The following HECW1 variants were observed in gnomAD, a reference collection of about 807,000 sequenced individuals.
The protein encoded by HECW1 is HECT, C2 and WW domain containing E3 ubiquitin protein ligase 1, also known as E3 ubiquitin-protein ligase HECW1.
HECW1 carries 61 observed loss-of-function variants against 182.3 expected under a neutral mutation model. The observed-to-expected ratio is 0.33, with a 90% CI of 0.27 to 0.41. HECW1 has a LOEUF of 0.41. HECW1 is among the 10% of genes least tolerant of loss of function. HECW1 has a pLI of 1.00. For missense variants in HECW1, 1,739 were observed against 2,108.9 expected (o/e 0.82, Z 3.44); for synonymous variants, 859 against 832.6 (o/e 1.03, Z -0.55).
chr7:43,488,852 C>G (rs1456505459), intron 17 of HECW1, among the ~76,000 whole-genome samples: 1 of 152,202 alleles, frequency 6.6e-6, no homozygotes, highest in South Asian at 2.1e-4. Flanking sequence ...AGCCGTATCT[C>G]CCCCTGTGTT....
chr7:43,488,492 A>AAGAAAGAAAGAAAGAAAGAAAG (rs1563046885), intron 17 of HECW1, among the ~76,000 whole-genome samples: 2 of 132,468 alleles, frequency 1.5e-5, no homozygotes, highest in African/African-American at 5.7e-5. Context: ...AAGAAAGAGA[A>AAGAAAGAAAGAAAGAAAGAAAG]AGAAAGAAAG....
intron 3 of HECW1, among the ~76,000 whole-genome samples, chr7:43,267,537 A>T (rs1371931508): frequency 6.6e-6 from 1 of 152,034 alleles, no homozygotes; most frequent in Non-Finnish European, 1.5e-5. Context: ...GTAAAAAAAA[A>T]TTAGAAAACC....
intron 3 of HECW1, among the ~76,000 whole-genome samples, chr7:43,268,409 A>C (rs1802020282): frequency 6.6e-6 from 1 of 152,206 alleles, no homozygotes; most frequent in Non-Finnish European, 1.5e-5. Flanking sequence ...TGAAACCTTT[A>C]ACCCAGAGGC....
chr7:43,235,621 A>T (rs1798257449), intron 2 of HECW1, among the ~76,000 whole-genome samples: 1 of 152,222 alleles, frequency 6.6e-6, no homozygotes, highest in African/African-American at 2.4e-5. Context: ...GTGCTCCTGG[A>T]TGGGATAACT....
chr7:43,540,997 G>A (rs956590789), intron 24 of HECW1, among the ~76,000 whole-genome samples, 166 bp from the exon 25 acceptor site: 3 of 152,144 alleles, frequency 2.0e-5, no homozygotes, highest in African/African-American at 7.2e-5. Flanking sequence ...GATTGTTCAT[G>A]GTAAAGCAAA....
chr7:43,550,611 G>T lies in HECW1; in HGVS notation c.4395+20G>T. The T allele has an allele frequency of 6.3e-7, 1 of 1,582,014 alleles. No individual in the cohort carries two copies. The highest frequency in any genetic ancestry group is 2.3e-5 in the East Asian group (1 of 43,212). ...TACGAGGTGAGGCCCGGTGGCCTGG[G>T]GAAGGCAAGCTGTGGCCAGGGTGCT... On this transcript the variant is annotated intron_variant, in intron 27 of 29. Transcript: ENST00000395891.
At chr7:43,360,516 A>T (rs1474023678) in intron 5 of HECW1, among the ~76,000 whole-genome samples, 2 of 152,206 alleles carry the variant, frequency 1.3e-5, no homozygotes, top group East Asian at 3.8e-4. Context: ...CCAAGATATT[A>T]ATCACAATGA....
chr7:43,328,939 C>G (rs938502088), intron 5 of HECW1, among the ~76,000 whole-genome samples: 2 of 152,168 alleles, frequency 1.3e-5, no homozygotes, highest in Non-Finnish European at 2.9e-5. Flanking sequence ...CCCTATTGTG[C>G]TGGAGGCCTG....
intron 28 of HECW1, among the ~76,000 whole-genome samples, chr7:43,553,668 C>CAAAA (rs773974209): frequency 6.0e-5 from 2 of 33,460 alleles, no homozygotes; most frequent in Non-Finnish European, 1.5e-4. Flanking sequence ...GATTCTGTCT[C>CAAAA]AAAAAAAAAA....
At chr7:43,113,129 G>A (rs1343249630) in intron 1 of HECW1, among the ~76,000 whole-genome samples, 192 bp downstream of exon 1, 3 of 152,150 alleles carry the variant, frequency 2.0e-5, no homozygotes, top group Admixed American at 2.0e-4. Context: ...CGCCCGGTCC[G>A]GGCCGGCATC....
intron 2 of HECW1, among the ~76,000 whole-genome samples, chr7:43,196,752 G>A (rs1000049934): frequency 5.9e-5 from 9 of 152,254 alleles, no homozygotes; most frequent in African/African-American, 2.2e-4. Flanking sequence ...TTTTAAGTAA[G>A]TTTGGAGTTA....
At chr7:43,320,832 A>T (rs1810017025) in intron 5 of HECW1, 90 bp downstream of exon 5, 1 of 924,984 alleles carries the variant, frequency 1.1e-6, no homozygotes. Context: ...CACTGCCTCC[A>T]CTAAGAAATG....
intron 2 of HECW1, among the ~76,000 whole-genome samples, chr7:43,166,471 C>G (rs1377848564): frequency 6.6e-6 from 1 of 152,054 alleles, no homozygotes; most frequent in African/African-American, 2.4e-5. Flanking sequence ...GAAGCAGCAC[C>G]CAGGCCAGCT....
In HECW1 at chr7:43,550,537, G is replaced by T. The variant is rs752481690; in HGVS notation, c.4341G>T (p.Arg1447=). The part of the protein sequence containing the change: ...KEYIERMVKW[R]VERGVVQQTE... ...ACATCGAGCGCATGGTGAAGTGGCG[G>T]GTGGAGCGCGGCGTGGTACAGCAGA... The change falls in exon 27 of 30, where the codon CGG becomes CGT. Residue 1447 remains arginine, a synonymous_variant. Transcript: ENST00000395891. 1.3e-5 allele frequency: 21 copies of T among 1,612,344 alleles called. No homozygotes were observed. Among genetic ancestry groups the T allele is most frequent in the Non-Finnish European group, 1.7e-5 (20 of 1,179,258 alleles).
chr7:43,288,203 T>A (rs1383583465), intron 3 of HECW1, among the ~76,000 whole-genome samples: 1 of 152,096 alleles, frequency 6.6e-6, no homozygotes, highest in Non-Finnish European at 1.5e-5. Flanking sequence ...ACTTTCTCAA[T>A]GAGAAGAGGA....
At chr7:43,478,056 T>G (rs76632102) in intron 16 of HECW1, among the ~76,000 whole-genome samples, 24,981 of 152,168 alleles carry the variant, frequency 0.16, 2,611 homozygotes, top group South Asian at 0.23. Context: ...TAATTTTAAA[T>G]TTAAAGAACA....
intron 6 of HECW1, among the ~76,000 whole-genome samples, chr7:43,377,554 A>G (rs1278431582): frequency 2.0e-5 from 3 of 152,104 alleles, no homozygotes; most frequent in African/African-American, 7.2e-5. Context: ...GTGCTTTTAG[A>G]TCAGGGGTTT....
intron 2 of HECW1, among the ~76,000 whole-genome samples, chr7:43,168,923 A>G (rs1791403550): frequency 6.6e-6 from 1 of 152,218 alleles, no homozygotes; most frequent in Non-Finnish European, 1.5e-5. Flanking sequence ...ATTGTTCACT[A>G]TAGAAAGATA....
chr7:43,294,880 A>T (rs1805844795), intron 3 of HECW1, among the ~76,000 whole-genome samples: 1 of 152,152 alleles, frequency 6.6e-6, no homozygotes, highest in Non-Finnish European at 1.5e-5. Context: ...GTCAGGGAAC[A>T]GCTTGGTTTT....
Sources: allele counts gnomAD v4.1 joint callset (sites outside exome capture counted in the v4.1 genomes callset), GRCh38; gene constraint gnomAD v4.1.1; transcripts MANE v1.5; gene names NCBI Gene and HGNC (gene_info 2026-07-23, HGNC 2026-07-21).